CCDC50: variants seen among roughly 807,000 people sequenced by gnomAD.
CCDC50 encodes coiled-coil domain containing 50.
CCDC50 carries 54 observed loss-of-function variants against 70.2 expected under a neutral mutation model. That is an observed-to-expected ratio of 0.77 (90% CI 0.62 to 0.96). The LOEUF (loss-of-function observed/expected upper bound fraction) is 0.96, where lower values mean the gene tolerates loss of function less well. Ranked by LOEUF, CCDC50 falls within the 50% of genes least tolerant of loss-of-function variation. CCDC50 has a pLI of 0.00. For missense variants in CCDC50, 558 were observed against 578.7 expected (o/e 0.96, Z 0.37); for synonymous variants, 216 against 198.8 (o/e 1.09, Z -0.73).
chr3:191,369,007 C>G (rs1348335495), intron 4 of CCDC50, among the ~76,000 whole-genome samples: 1 of 152,116 alleles, frequency 6.6e-6, no homozygotes, highest in African/African-American at 2.4e-5. Context: ...AAAAGGAGTT[C>G]CTGTGATCCA....
intron 1 of CCDC50, 89 bp downstream of exon 1, chr3:191,329,812 C>A: frequency 1.4e-6 from 2 of 1,390,030 alleles, no homozygotes; most frequent in South Asian, 1.3e-5. Flanking sequence ...TTTCGGCTCC[C>A]GCGGCCCTCG....
intron 6 of CCDC50, among the ~76,000 whole-genome samples, chr3:191,379,821 T>A (rs941830419): frequency 6.6e-6 from 1 of 152,198 alleles, no homozygotes; most frequent in South Asian, 2.1e-4. Context: ...TTAAATTATT[T>A]TTGTTTTCAA....
At chr3:191,370,963 C>T (rs1362950955) in intron 5 of CCDC50, among the ~76,000 whole-genome samples, 3 of 152,060 alleles carry the variant, frequency 2.0e-5, no homozygotes, top group African/African-American at 7.2e-5. Flanking sequence ...CTGGACTTAA[C>T]CTTTCTCAAG....
chr3:191,377,547 A>G (rs575493142), intron 6 of CCDC50, among the ~76,000 whole-genome samples: 3 of 152,284 alleles, frequency 2.0e-5, no homozygotes, highest in East Asian at 1.9e-4. Context: ...GTTAACTTCT[A>G]AACTCACAGG....
At chr3:191,333,357 C>T (rs991514924) in intron 1 of CCDC50, among the ~76,000 whole-genome samples, 1 of 152,092 alleles carries the variant, frequency 6.6e-6, no homozygotes, top group African/African-American at 2.4e-5. Flanking sequence ...ACATCCAGAC[C>T]TTCAAGGGGG....
intron 9 of CCDC50, among the ~76,000 whole-genome samples, chr3:191,382,066 T>C (rs1387779553): frequency 6.6e-6 from 1 of 152,164 alleles, no homozygotes; most frequent in African/African-American, 2.4e-5. Context: ...GATTCCCAAA[T>C]ACTTTTGTTA....
At chr3:191,386,254 T>C (rs1713493179) in intron 10 of CCDC50, among the ~76,000 whole-genome samples, 1 of 135,562 alleles carries the variant, frequency 7.4e-6, no homozygotes, top group African/African-American at 3.0e-5. Flanking sequence ...AGACGGAGTC[T>C]CACTCTGCCA....
intron 7 of CCDC50, 109 bp downstream of exon 7, chr3:191,380,383 TTTTTA>T: frequency 1.3e-6 from 1 of 777,050 alleles, no homozygotes; most frequent in South Asian, 1.5e-5. Context: ...GAGAAACCTT[TTTTTA>T]TGAGTGGAAA....
At chr3:191,339,887 A>G (rs917217154) in intron 1 of CCDC50, among the ~76,000 whole-genome samples, 5 of 152,214 alleles carry the variant, frequency 3.3e-5, no homozygotes, top group African/African-American at 9.7e-5. Flanking sequence ...GAAAGATACT[A>G]TACAGTTGGA....
Position 191,347,269 on chromosome 3 carries a change from T to C in CCDC50, c.50-9819T>C, listed in dbSNP as rs1445355428. On this transcript the variant is annotated intron_variant, in intron 1 of 11. Coordinates refer to ENST00000392455, the MANE Select transcript of CCDC50 (RefSeq NM_178335.3). Reference sequence around the variant, plus strand: ...GAGTTGTGTTTTTCCATTCACCTTATACTTAATTTATTAACATTTTGTAAT... The same window carrying C: ...GAGTTGTGTTTTTCCATTCACCTTACACTTAATTTATTAACATTTTGTAAT... Among the ~76,000 whole-genome samples the C allele has an allele frequency of 2.1e-5, 3 of 142,218 alleles. 1 individual carries two copies. The highest frequency in any genetic ancestry group is 7.5e-5 in the African/African-American group (3 of 39,846). 93.3% of individuals were successfully genotyped at this position (142,218 alleles called of 152,430 possible). A position where few individuals can be genotyped will look rare whatever the true frequency, so the allele number is the denominator to read the frequency against.
chr3:191,386,766 A>G (rs527928180), intron 10 of CCDC50, among the ~76,000 whole-genome samples: 7 of 152,200 alleles, frequency 4.6e-5, no homozygotes, highest in Non-Finnish European at 1.0e-4. Flanking sequence ...AATACTTCTA[A>G]CCAAGGAGGT....
intron 5 of CCDC50, among the ~76,000 whole-genome samples, chr3:191,372,731 ATATATAT>A (rs779818842): frequency 9.9e-5 from 15 of 152,098 alleles, no homozygotes; most frequent in Non-Finnish European, 2.1e-4. Context: ...AACTCAAATG[ATATATAT>A]TATTTATTAA....
Position 191,375,187 on chromosome 3 carries a change from G to C in CCDC50, c.574G>C (p.Glu192Gln), listed in dbSNP as rs755010827. Residue 192 changes from glutamate to glutamine, a missense_variant, in exon 6 of 12, where the codon GAA becomes CAA. Glu to Gln is a conservative substitution (Grantham distance 29, BLOSUM62 2). Transcript: ENST00000392455. ...ACCAGAACATCCACTGGAGAACTTGGAAGAGCCAGAACAACATTGTTCATC... is the reference window on the plus strand; with the variant it reads ...ACCAGAACATCCACTGGAGAACTTGCAAGAGCCAGAACAACATTGTTCATC... ...EKPEHPLENLEEPEQHCSSKR... is the reference protein window; with the variant it reads ...EKPEHPLENLQEPEQHCSSKR... 10 of 1,613,654 alleles carry C rather than the reference G, an allele frequency of 6.2e-6. No individual in the cohort carries two copies. The East Asian group carries it at 2.2e-4, about 36-fold the overall frequency.
At chr3:191,331,745 C>T (rs1185417351) in intron 1 of CCDC50, among the ~76,000 whole-genome samples, 1 of 152,146 alleles carries the variant, frequency 6.6e-6, no homozygotes, top group East Asian at 1.9e-4. Context: ...TAAAGTGTAT[C>T]CTTCCCTAAT....
At chr3:191,391,195 CAAT>C (rs1713682816) in intron 11 of CCDC50, among the ~76,000 whole-genome samples, 1 of 152,118 alleles carries the variant, frequency 6.6e-6, no homozygotes. Context: ...ATTTCCAAGT[CAAT>C]AATAATGTCC....
intron 11 of CCDC50, 121 bp downstream of exon 11, chr3:191,389,723 C>A (rs1713616826): frequency 2.6e-6 from 2 of 769,066 alleles, no homozygotes; most frequent in Admixed American, 4.0e-5. Context: ...TCTGTCAGCA[C>A]ATTGTTATAG....
intron 1 of CCDC50, among the ~76,000 whole-genome samples, chr3:191,345,231 C>CA (rs1268780297): frequency 2.0e-5 from 3 of 151,978 alleles, no homozygotes; most frequent in East Asian, 3.9e-4. Flanking sequence ...TTACTCCCAG[C>CA]AAAAAAAGGT....
rs1193408668 is a variant in CCDC50 at position 191,369,916 on chromosome 3, C to T, written c.331-3C>T. On this transcript the variant is annotated splice_region_variant and splice_polypyrimidine_tract_variant and intron_variant, in intron 4 of 11. Coordinates refer to ENST00000392455, the MANE Select transcript of CCDC50 (RefSeq NM_178335.3). ...TATTTCCATTCTCCTCTTGTCTTTGCAGGACATAGCTCGCCTTTTGCAAGA... is the reference window on the plus strand; with the variant it reads ...TATTTCCATTCTCCTCTTGTCTTTGTAGGACATAGCTCGCCTTTTGCAAGA... 2.5e-6 allele frequency: 4 copies of T among 1,600,292 alleles called. No individual in the cohort carries two copies. The highest frequency in any genetic ancestry group is 3.4e-6 in the Non-Finnish European group (4 of 1,167,990).
chr3:191,364,854 T>C (rs1165260195), intron 4 of CCDC50, among the ~76,000 whole-genome samples: 1 of 152,122 alleles, frequency 6.6e-6, no homozygotes, highest in Non-Finnish European at 1.5e-5. Context: ...ACTTTCTTGC[T>C]CTCTCACTCT....
Sources: allele counts gnomAD v4.1 joint callset (sites outside exome capture counted in the v4.1 genomes callset), GRCh38; gene constraint gnomAD v4.1.1; transcripts MANE v1.5; gene names NCBI Gene and HGNC (gene_info 2026-07-23, HGNC 2026-07-21).